Variants in NDUFA5 observed in about 807,000 individuals in gnomAD.
NDUFA5 encodes the protein NADH:ubiquinone oxidoreductase subunit A5, also known as NADH dehydrogenase [ubiquinone] 1 alpha subcomplex subunit 5.
NDUFA5 carries 11 observed loss-of-function variants against 19.8 expected under a neutral mutation model. The observed-to-expected ratio is 0.56, with a 90% confidence interval of 0.35 to 0.92. NDUFA5 has a LOEUF of 0.92. Among genes scored for constraint, NDUFA5 ranks in the 40% least tolerant of loss-of-function variants. NDUFA5 has a pLI of 0.01. For synonymous variants in NDUFA5, 47 were observed against 46.8 expected, an observed-to-expected ratio of 1.00 and a Z score of -0.01; for missense variants, 109 against 134.2, an observed-to-expected ratio of 0.81 and a Z score of 0.93.
the NDUFA5 span, among the ~76,000 whole-genome samples, chr7:123,564,239 G>A: frequency 6.6e-6 from 1 of 152,166 alleles, no homozygotes; most frequent in Non-Finnish European, 1.5e-5. Context: ...ATATGTATAT[G>A]CCTCACCCAG....
the NDUFA5 span, chr7:123,585,076 A>G: frequency 6.6e-6 from 1 of 151,874 alleles, no homozygotes; most frequent in South Asian, 2.1e-4. Context: ...TCCCAAATAA[A>G]AATAATGTGA....
chr7:123,601,541 A>C, the NDUFA5 span, among the ~76,000 whole-genome samples: 1 of 152,328 alleles, frequency 6.6e-6, no homozygotes, highest in Non-Finnish European at 1.5e-5. Context: ...TGTCTCTTGA[A>C]CAAATACCTT....
chr7:123,542,327 A>C (rs1243624477), intron 4 of NDUFA5, 107 bp from the exon 5 acceptor site: 7 of 715,430 alleles, frequency 9.8e-6, no homozygotes, highest in Admixed American at 3.0e-5. Context: ...TTAATATCTC[A>C]TAATCTATTC....
At chr7:123,553,649 A>C (rs187506372) in intron 2 of NDUFA5, among the ~76,000 whole-genome samples, 6 of 152,344 alleles carry the variant, frequency 3.9e-5, no homozygotes, top group Non-Finnish European at 2.9e-5. Context: ...AATACTTAGC[A>C]ACGGTTAAGG....
At chr7:123,590,186 A>G in the NDUFA5 span, among the ~76,000 whole-genome samples, 3 of 151,658 alleles carry the variant, frequency 2.0e-5, no homozygotes, top group Admixed American at 6.6e-5. Flanking sequence ...TTTTCCTGTA[A>G]ATTTGTTTAA....
At chr7:123,589,283 T>C in the NDUFA5 span, among the ~76,000 whole-genome samples, 1 of 149,012 alleles carries the variant, frequency 6.7e-6, no homozygotes, top group Non-Finnish European at 1.5e-5. Context: ...TTCATCATTA[T>C]ATAATGACTT....
chr7:123,598,677 A>G, the NDUFA5 span: 1 of 152,198 alleles, frequency 6.6e-6, no homozygotes, highest in African/African-American at 2.4e-5. Context: ...TTACTAGACA[A>G]AGTGAACTTT....
the NDUFA5 span, among the ~76,000 whole-genome samples, chr7:123,572,540 A>G: frequency 7.3e-5 from 11 of 150,224 alleles, no homozygotes; most frequent in Non-Finnish European, 1.5e-4. Flanking sequence ...AAGTTTACCA[A>G]TCGTAAAGAT....
chr7:123,572,729 A>G, the NDUFA5 span, among the ~76,000 whole-genome samples: 1 of 149,816 alleles, frequency 6.7e-6, no homozygotes, highest in Admixed American at 6.6e-5. Context: ...TTTCTGCAAC[A>G]TGTTATTTTA....
In NDUFA5 at chr7:123,551,519, T is replaced by C. The variant is rs116438366; in HGVS notation, c.67-933A>G. ...CCCACCCAGCCTGAATCAGTATTTTTCAAAGTGAGGTCCGAAGCACTGCAA... is the reference window on the plus strand; with the variant it reads ...CCCACCCAGCCTGAATCAGTATTTTCCAAAGTGAGGTCCGAAGCACTGCAA... On this transcript the variant is annotated intron_variant, in intron 2 of 4. Coordinates refer to ENST00000355749, the MANE Select transcript of NDUFA5 (RefSeq NM_005000.5). The C allele has an allele frequency of 1.5e-3, 1,484 of 978,990 alleles. 18 individuals carry two copies. In the African/African-American group the frequency reaches 0.022, roughly 15 times the overall value. The allele number at this position is 978,990 out of a possible 1,614,324, so 60.6% of individuals were successfully genotyped here.
upstream of NDUFA5, among the ~76,000 whole-genome samples, chr7:123,560,883 T>A (rs1798679310): frequency 6.6e-6 from 1 of 152,174 alleles, no homozygotes; most frequent in African/African-American, 2.4e-5. Flanking sequence ...GCAATCAATA[T>A]ACAAAAATAT....
chr7:123,570,188 C>T, the NDUFA5 span, among the ~76,000 whole-genome samples: 1 of 151,912 alleles, frequency 6.6e-6, no homozygotes, highest in Non-Finnish European at 1.5e-5. Flanking sequence ...GCGCCCGCCA[C>T]CATGCCCAGC....
At position 123,540,840 on chromosome 7, in the gene NDUFA5, A is replaced by C. The variant is rs528340257; in HGVS notation, c.*1279T>G. The C allele has an allele frequency of 2.6e-5, 4 of 151,442 alleles. No individual in the cohort carries two copies. Among genetic ancestry groups the C allele is most frequent in the Non-Finnish European group, 5.9e-5 (4 of 67,944 alleles). The allele number at this position is 151,442 out of a possible 1,614,324, so 9.4% of individuals were successfully genotyped here. A position where few individuals can be genotyped will look rare whatever the true frequency, so the allele number is the denominator to read the frequency against. The stretch of plus-strand genomic sequence containing the variant: ...TGAGGGGAGAAATATACTGGAAAGA[A>C]GGAAAAATACCATTTTTTTCTCATT... On this transcript the variant is annotated 3_prime_UTR_variant, in exon 5 of 5. Coordinates refer to ENST00000355749, the MANE Select transcript of NDUFA5 (RefSeq NM_005000.5).
At chr7:123,544,282 T>A (rs1160986609) in intron 4 of NDUFA5, among the ~76,000 whole-genome samples, 1 of 152,008 alleles carries the variant, frequency 6.6e-6, no homozygotes, top group Non-Finnish European at 1.5e-5. Flanking sequence ...GCAGATCACC[T>A]GAGGTCAGGA....
chr7:123,565,696 C>T, the NDUFA5 span, among the ~76,000 whole-genome samples: 3 of 152,058 alleles, frequency 2.0e-5, no homozygotes, highest in Non-Finnish European at 4.4e-5. Flanking sequence ...GCCCGGCCAA[C>T]ATGGTGAAAC....
intron 4 of NDUFA5, among the ~76,000 whole-genome samples, chr7:123,543,452 T>TG (rs1406483827): frequency 1.3e-5 from 2 of 152,152 alleles, no homozygotes; most frequent in Non-Finnish European, 2.9e-5. Flanking sequence ...ACATGGCTAC[T>TG]GGGGACTTGA....
At chr7:123,564,920 C>CACAT in the NDUFA5 span, among the ~76,000 whole-genome samples, 9 of 147,840 alleles carry the variant, frequency 6.1e-5, no homozygotes, top group East Asian at 2.0e-4. Context: ...CACACACACA[C>CACAT]ATATATATAC....
At chr7:123,542,767 G>T (rs182770014) in intron 4 of NDUFA5, among the ~76,000 whole-genome samples, 1 of 152,156 alleles carries the variant, frequency 6.6e-6, no homozygotes, top group Admixed American at 6.5e-5. Context: ...GTGATCTATG[G>T]AATGTAGAAC....
At chr7:123,552,936 CTGACTTGCCAATAGCTTTCTTGCAA>C (rs1433963442) in intron 2 of NDUFA5, among the ~76,000 whole-genome samples, 2 of 152,222 alleles carry the variant, frequency 1.3e-5, no homozygotes, top group Non-Finnish European at 2.9e-5. Context: ...TCCTCTTTTG[CTGACTTGCCAATAGCTTTCTTGCAA>C]TGTATTTTCA....
Sources: gnomAD v4.1 joint callset for allele counts (sites outside exome capture counted in the v4.1 genomes callset) on GRCh38, gnomAD v4.1.1 for gene constraint, MANE v1.5 for transcripts, NCBI Gene and HGNC (gene_info 2026-07-23, HGNC 2026-07-21) for gene names.